ZBTB7C: variants seen among roughly 807,000 people sequenced by gnomAD.
ZBTB7C encodes the protein zinc finger and BTB domain-containing protein 7C.
A neutral mutation model predicts 25.7 loss-of-function variants in ZBTB7C; 8 were observed. That is an observed-to-expected ratio of 0.31 (90% confidence interval 0.18 to 0.56). ZBTB7C has a LOEUF of 0.56. ZBTB7C is among the 20% of genes least tolerant of loss of function. The probability of loss-of-function intolerance (pLI) is 0.91; values close to 1 mark genes in which losing one functional copy is unlikely to be tolerated. For missense variants in ZBTB7C, 824 were observed against 855.2 expected (o/e 0.96, Z 0.46); for synonymous variants, 394 against 369.0 (o/e 1.07, Z -0.78).
intron 2 of ZBTB7C, among the ~76,000 whole-genome samples, chr18:48,218,741 C>G (rs527331151): frequency 6.6e-6 from 1 of 152,230 alleles, no homozygotes; most frequent in African/African-American, 2.4e-5. Flanking sequence ...GCACCACTGC[C>G]GACTATGGCT....
chr18:48,267,579 T>C lies in ZBTB7C; in HGVS notation c.-79+70595A>G, dbSNP rs138224425. Among the ~76,000 whole-genome samples the C allele has an allele frequency of 4.6e-3, 694 of 152,332 alleles. 2 individuals are homozygous for C. Among genetic ancestry groups the C allele is most frequent in the African/African-American group, 0.016 (658 of 41,582 alleles). On this transcript the variant is annotated intron_variant, in intron 2 of 4. Transcript: ENST00000590800. ...CCCCAAGGTTCCTCTGAGCACATCA[T>C]GTTCTGGTTTGCAGGTTGAAAGACA... is the stretch of plus-strand genomic sequence containing the variant.
chr18:48,043,986 C>A (rs945586377), intron 3 of ZBTB7C, among the ~76,000 whole-genome samples: 1 of 152,072 alleles, frequency 6.6e-6, no homozygotes, highest in Non-Finnish European at 1.5e-5. Flanking sequence ...GAGCAGAGAC[C>A]TAGAAGAGGA....
At chr18:48,228,333 G>A (rs1331000304) in intron 2 of ZBTB7C, among the ~76,000 whole-genome samples, 2 of 152,148 alleles carry the variant, frequency 1.3e-5, no homozygotes, top group African/African-American at 4.8e-5. Context: ...TTTTGTTAAG[G>A]GTGAGCCCTG....
At chr18:48,116,758 A>C (rs1199111348) in intron 3 of ZBTB7C, among the ~76,000 whole-genome samples, 5 of 152,092 alleles carry the variant, frequency 3.3e-5, no homozygotes, top group Non-Finnish European at 7.4e-5. Flanking sequence ...TCCAAGGCCC[A>C]GTTCAGGGCA....
At chr18:48,070,980 T>C (rs1443388537) in intron 3 of ZBTB7C, among the ~76,000 whole-genome samples, 2 of 152,352 alleles carry the variant, frequency 1.3e-5, no homozygotes, top group East Asian at 3.9e-4. Context: ...CTTTATGTTG[T>C]ATCCACTTTT....
At chr18:48,251,707 AG>A (rs1476736697) in intron 2 of ZBTB7C, among the ~76,000 whole-genome samples, 1 of 152,238 alleles carries the variant, frequency 6.6e-6, no homozygotes, top group Non-Finnish European at 1.5e-5. Context: ...CTAAAAGATC[AG>A]GGCGGGATGG....
At chr18:48,235,595 G>A (rs543858975) in intron 2 of ZBTB7C, among the ~76,000 whole-genome samples, 140 of 152,116 alleles carry the variant, frequency 9.2e-4, no homozygotes, top group African/African-American at 3.0e-3. Flanking sequence ...CTCCTTCTGC[G>A]ACAAGTTTCC....
At chr18:48,080,484 C>G (rs2037939706) in intron 3 of ZBTB7C, among the ~76,000 whole-genome samples, 1 of 152,204 alleles carries the variant, frequency 6.6e-6, no homozygotes, top group South Asian at 2.1e-4. Context: ...ACAGAAGGAG[C>G]AGGCACCTGG....
At chr18:48,151,532 A>G (rs1201826729) in intron 3 of ZBTB7C, among the ~76,000 whole-genome samples, 1 of 152,162 alleles carries the variant, frequency 6.6e-6, no homozygotes, top group Non-Finnish European at 1.5e-5. Flanking sequence ...CACTCTAAAG[A>G]TAAGGAAACG....
intron 3 of ZBTB7C, among the ~76,000 whole-genome samples, chr18:48,056,943 T>C (rs2036935427): frequency 6.7e-6 from 1 of 149,182 alleles, no homozygotes; most frequent in South Asian, 2.1e-4. Context: ...ACAAACAAAC[T>C]GAAGAACATA....
chr18:48,273,054 A>G (rs2044539554), intron 2 of ZBTB7C, among the ~76,000 whole-genome samples: 1 of 152,218 alleles, frequency 6.6e-6, no homozygotes, highest in South Asian at 2.1e-4. Context: ...GGAGATGACG[A>G]AAACATTCTG....
chr18:48,029,295 T>TGAGGCCGGC lies in ZBTB7C; in HGVS notation c.1816_1824dup (p.Ala606_Leu608dup), dbSNP rs768126871. ...GCTTCGGACATGGAGGCCACGTGGT[T>TGAGGCCGGC]GAGGCCGGCGAGCCCAGGGAGGCCG... On this transcript the variant is annotated inframe_insertion, in exon 5 of 5. Coordinates refer to ENST00000590800, the MANE Select transcript of ZBTB7C (RefSeq NM_001318841.2). The TGAGGCCGGC allele has an allele frequency of 8.5e-5, 130 of 1,538,008 alleles. No homozygotes were observed. The highest frequency in any genetic ancestry group is 1.1e-4 in the Non-Finnish European group (124 of 1,148,442).
At chr18:48,247,210 A>G (rs1215554098) in intron 2 of ZBTB7C, among the ~76,000 whole-genome samples, 1 of 152,238 alleles carries the variant, frequency 6.6e-6, no homozygotes, top group African/African-American at 2.4e-5. Context: ...TAAATTAGCA[A>G]TAATTCCTCT....
chr18:48,167,720 T>C (rs1442161853), intron 3 of ZBTB7C, among the ~76,000 whole-genome samples: 2 of 152,342 alleles, frequency 1.3e-5, no homozygotes, highest in East Asian at 3.9e-4. Context: ...ACAGGATTAA[T>C]AGTCCTTTTC....
chr18:48,230,723 C>T (rs2043228238), intron 2 of ZBTB7C, among the ~76,000 whole-genome samples: 1 of 152,192 alleles, frequency 6.6e-6, no homozygotes, highest in African/African-American at 2.4e-5. Context: ...GAAAGGGCAG[C>T]CTGAGGCCAG....
intron 2 of ZBTB7C, among the ~76,000 whole-genome samples, chr18:48,257,245 A>G (rs2044046338): frequency 6.6e-6 from 1 of 152,154 alleles, no homozygotes; most frequent in South Asian, 2.1e-4. Context: ...TACCAGGAAT[A>G]AAGAGAAAAT....
chr18:48,342,752 A>G (rs1205120948), intron 1 of ZBTB7C, among the ~76,000 whole-genome samples: 1 of 152,070 alleles, frequency 6.6e-6, no homozygotes. Flanking sequence ...CAGAAAAATT[A>G]AGGAGCCACT....
intron 2 of ZBTB7C, among the ~76,000 whole-genome samples, chr18:48,237,755 T>A (rs2043419725): frequency 6.6e-6 from 1 of 152,140 alleles, no homozygotes; most frequent in African/African-American, 2.4e-5. Context: ...TATCAACATG[T>A]GTGCACATGG....
chr18:48,400,428 T>A (rs1461324112), intron 1 of ZBTB7C, among the ~76,000 whole-genome samples: 2 of 152,182 alleles, frequency 1.3e-5, no homozygotes, highest in African/African-American at 4.8e-5. Flanking sequence ...AGAGGAATGG[T>A]TCCCTGGGGA....
Sources: allele counts gnomAD v4.1 joint callset (sites outside exome capture counted in the v4.1 genomes callset), GRCh38; gene constraint gnomAD v4.1.1; transcripts MANE v1.5; gene names NCBI Gene and HGNC (gene_info 2026-07-23, HGNC 2026-07-21).